Variants in ADGRL3 observed in about 807,000 individuals in gnomAD.
The protein encoded by ADGRL3 is calcium-independent alpha-latrotoxin receptor 3.
A neutral mutation model predicts 153.5 loss-of-function variants in ADGRL3; 62 were observed. The ratio of observed to expected loss-of-function variants is 0.40; its 90% CI spans 0.33 to 0.50. The LOEUF is 0.50. Ranked by LOEUF, ADGRL3 falls within the 20% of genes least tolerant of loss-of-function variation. The probability of loss-of-function intolerance (pLI) is 0.47; values close to 1 mark genes in which losing one functional copy is unlikely to be tolerated. For synonymous variants in ADGRL3, 710 were observed against 672.5 expected (o/e 1.06, Z -0.86); for missense variants, 1,641 against 1,859.4 (o/e 0.88, Z 2.16).
chr4:61,766,570 G>A (rs1429016815), intron 8 of ADGRL3, among the ~76,000 whole-genome samples: 1 of 152,066 alleles, frequency 6.6e-6, no homozygotes, highest in South Asian at 2.1e-4. Context: ...TTGGCAGGGA[G>A]AGCACGTGTG....
At chr4:61,505,738 C>T (rs976110827) in intron 3 of ADGRL3, among the ~76,000 whole-genome samples, 3 of 151,768 alleles carry the variant, frequency 2.0e-5, no homozygotes, top group Non-Finnish European at 4.4e-5. Flanking sequence ...TAGTTCATCT[C>T]AAGAGTAATC....
At chr4:62,067,136 ATGT>A (rs1428342908) in intron 25 of ADGRL3, among the ~76,000 whole-genome samples, 12 of 152,106 alleles carry the variant, frequency 7.9e-5, no homozygotes, top group African/African-American at 2.7e-4. Context: ...GCATTTTGAA[ATGT>A]TGTTGATCTT....
intron 9 of ADGRL3, among the ~76,000 whole-genome samples, chr4:61,827,855 A>T (rs2097826178): frequency 6.6e-6 from 1 of 152,204 alleles, no homozygotes; most frequent in Non-Finnish European, 1.5e-5. Flanking sequence ...AAGTACATGT[A>T]GCGTGAAACA....
intron 9 of ADGRL3, among the ~76,000 whole-genome samples, chr4:61,827,760 A>G (rs1053626625): frequency 7.9e-5 from 12 of 152,144 alleles, no homozygotes; most frequent in Non-Finnish European, 1.5e-4. Flanking sequence ...TCTAATTTAG[A>G]TAATTTGGGT....
At chr4:61,775,711 G>T (rs2097139887) in intron 8 of ADGRL3, 9 of 1,244,178 alleles carry the variant, frequency 7.2e-6, no homozygotes, top group Non-Finnish European at 1.1e-5. Context: ...ACAAAGGTGG[G>T]CTTGGTGCTT....
intron 1 of ADGRL3, among the ~76,000 whole-genome samples, chr4:61,332,764 A>C (rs2095599399): frequency 6.6e-6 from 1 of 152,116 alleles, no homozygotes; most frequent in African/African-American, 2.4e-5. Flanking sequence ...TCAGGTAAGT[A>C]AATGGTTAGG....
intron 13 of ADGRL3, among the ~76,000 whole-genome samples, chr4:61,922,464 A>G (rs2098774312): frequency 6.6e-6 from 1 of 152,316 alleles, no homozygotes; most frequent in African/African-American, 2.4e-5. Flanking sequence ...TTAATGAACC[A>G]ATGTTAATAT....
chr4:61,328,778 A>G (rs1398155337), intron 1 of ADGRL3, among the ~76,000 whole-genome samples: 2 of 152,222 alleles, frequency 1.3e-5, no homozygotes, highest in South Asian at 2.1e-4. Flanking sequence ...CTCTTTTTAT[A>G]CTAAGATGGT....
At chr4:61,883,631 G>T (rs985194331) in intron 9 of ADGRL3, among the ~76,000 whole-genome samples, 1 of 152,048 alleles carries the variant, frequency 6.6e-6, no homozygotes, top group Non-Finnish European at 1.5e-5. Flanking sequence ...TCATTATATT[G>T]TAAGAAGATA....
intron 1 of ADGRL3, among the ~76,000 whole-genome samples, chr4:61,317,765 T>A (rs535158668): frequency 6.3e-4 from 96 of 152,248 alleles, no homozygotes; most frequent in African/African-American, 2.2e-3. Context: ...ATATCATACT[T>A]CCAATCTGCC....
chr4:61,304,285 A>G (rs181836938), intron 1 of ADGRL3, among the ~76,000 whole-genome samples: 14 of 152,288 alleles, frequency 9.2e-5, no homozygotes, highest in African/African-American at 2.6e-4. Flanking sequence ...TAGTTGTGCA[A>G]TTCTCAAGGG....
At chr4:61,852,635 C>CA (rs1008937000) in intron 9 of ADGRL3, among the ~76,000 whole-genome samples, 67 of 152,064 alleles carry the variant, frequency 4.4e-4, no homozygotes, top group Non-Finnish European at 6.0e-4. Flanking sequence ...TTTAGTACAA[C>CA]AAAAAAATTT....
intron 1 of ADGRL3, among the ~76,000 whole-genome samples, chr4:61,283,692 C>G (rs183386543): frequency 6.6e-6 from 1 of 151,966 alleles, no homozygotes; most frequent in African/African-American, 2.4e-5. Flanking sequence ...GGAAAAAACA[C>G]GACATAGTAA....
At chr4:61,800,421 T>A (rs1288857082) in intron 8 of ADGRL3, among the ~76,000 whole-genome samples, 2 of 152,148 alleles carry the variant, frequency 1.3e-5, no homozygotes, top group Non-Finnish European at 2.9e-5. Context: ...CTTGGCACAA[T>A]CCATTAGCTA....
rs1212639808 is a variant in ADGRL3, at chr4:61,977,196, T to G, written c.2806-2367T>G. ...CAGATAAAAGTGGGAGTTCTTTGGT[T>G]TCTTTTCTTTTTTTCTTGTTCTTTT... On this transcript the variant is annotated intron_variant, in intron 17 of 26. Coordinates refer to ENST00000683033, the MANE Select transcript of ADGRL3 (RefSeq NM_001387552.1). 2.6e-5 allele frequency among the ~76,000 whole-genome samples: 4 copies of G among 151,880 alleles called. No individual in the cohort carries two copies. The East Asian group carries it at 7.7e-4, about 29-fold the overall frequency.
At chr4:61,722,770 T>C (rs558331614) in intron 6 of ADGRL3, among the ~76,000 whole-genome samples, 5 of 152,160 alleles carry the variant, frequency 3.3e-5, no homozygotes, top group Non-Finnish European at 5.9e-5. Flanking sequence ...TGCCAATTAA[T>C]CTAAAATAAA....
At chr4:61,901,192 A>G (rs2098662495) in intron 11 of ADGRL3, among the ~76,000 whole-genome samples, 1 of 152,186 alleles carries the variant, frequency 6.6e-6, no homozygotes, top group African/African-American at 2.4e-5. Context: ...TGTAATGGTG[A>G]GAATAGTCTC....
At chr4:61,294,756 G>A (rs372086397) in intron 1 of ADGRL3, among the ~76,000 whole-genome samples, 7 of 151,972 alleles carry the variant, frequency 4.6e-5, no homozygotes, top group African/African-American at 1.2e-4. Flanking sequence ...GGAAATAAGC[G>A]CTATTACTGC....
At chr4:61,241,758 C>T (rs1321016505) in intron 1 of ADGRL3, among the ~76,000 whole-genome samples, 5 of 151,944 alleles carry the variant, frequency 3.3e-5, no homozygotes, top group Non-Finnish European at 5.9e-5. Context: ...ACACCACTGA[C>T]TCTTATTATA....
Sources: allele counts gnomAD v4.1 joint callset (sites outside exome capture counted in the v4.1 genomes callset), GRCh38; gene constraint gnomAD v4.1.1; transcripts MANE v1.5; gene names NCBI Gene and HGNC (gene_info 2026-07-23, HGNC 2026-07-21).